The following TMPRSS7 variants were observed in gnomAD, a reference collection of about 807,000 sequenced individuals.
TMPRSS7 encodes the protein transmembrane serine protease 7.
A neutral mutation model predicts 95.6 loss-of-function variants in TMPRSS7; 81 were observed. That is an observed-to-expected ratio of 0.85 (90% CI 0.71 to 1.02). The LOEUF (loss-of-function observed/expected upper bound fraction) is 1.02. TMPRSS7 is among the 50% of genes least tolerant of loss of function. The probability of loss-of-function intolerance (pLI) is 0.00; values close to 1 mark genes in which losing one functional copy is unlikely to be tolerated. For missense variants in TMPRSS7, 945 were observed against 955.2 expected (o/e 0.99, Z 0.14); for synonymous variants, 364 against 337.8 (o/e 1.08, Z -0.85).
At chr3:112,073,826 G>A (rs1270912758) in intron 13 of TMPRSS7, among the ~76,000 whole-genome samples, 2 of 152,152 alleles carry the variant, frequency 1.3e-5, no homozygotes, top group Admixed American at 6.5e-5. Context: ...AATGGAACAC[G>A]TTCCACTCTC....
In TMPRSS7 at chr3:112,049,981, C is replaced by A; in HGVS notation, c.1090+7C>A. ...GAGGTCATTCCAGAACAAAGTAAGTCTTCCCCAATTATGGAGAAGTCACTT... is the reference window on the plus strand; with the variant it reads ...GAGGTCATTCCAGAACAAAGTAAGTATTCCCCAATTATGGAGAAGTCACTT... On this transcript the variant is annotated splice_region_variant and intron_variant, in intron 8 of 17. Transcript: ENST00000452346. The A allele has an allele frequency of 1.3e-6, 2 of 1,534,984 alleles. No individual in the cohort carries two copies. The highest frequency in any genetic ancestry group is 1.8e-6 in the Non-Finnish European group (2 of 1,132,636).
Position 112,049,824 on chromosome 3 carries a change from G to A in TMPRSS7, c.960-20G>A. 2 of 1,503,996 alleles carry A rather than the reference G, an allele frequency of 1.3e-6. No individual in the cohort carries two copies. Among genetic ancestry groups the A allele is most frequent in the Non-Finnish European group, 1.8e-6 (2 of 1,115,448 alleles). 93.2% of individuals were successfully genotyped at this position (1,503,996 alleles called of 1,614,324 possible). A position where few individuals can be genotyped will look rare whatever the true frequency, so the allele number is the denominator to read the frequency against. ...AATAACGTATTATTCATGTACTTTT[G>A]TTTTATTATCTGCTTTCAGAATTTG... On this transcript the variant is annotated intron_variant, in intron 7 of 17. Transcript: ENST00000452346.
intron 1 of TMPRSS7, among the ~76,000 whole-genome samples, chr3:112,037,030 T>C (rs1055488283): frequency 6.6e-6 from 1 of 152,178 alleles, no homozygotes; most frequent in Non-Finnish European, 1.5e-5. Context: ...CTCAGGACCC[T>C]GTGATGATTG....
At chr3:112,069,350 AG>A (rs1316534853) in intron 13 of TMPRSS7, among the ~76,000 whole-genome samples, 1 of 152,218 alleles carries the variant, frequency 6.6e-6, no homozygotes. Context: ...AAAATAAGTT[AG>A]GGAGGATTCC....
chr3:112,061,027 C>T (rs2107751760), intron 10 of TMPRSS7, among the ~76,000 whole-genome samples: 1 of 152,234 alleles, frequency 6.6e-6, no homozygotes, highest in African/African-American at 2.4e-5. Context: ...CAACAATTAC[C>T]CCCAAGCCTT....
intron 5 of TMPRSS7, among the ~76,000 whole-genome samples, chr3:112,046,382 G>A (rs766641346): frequency 6.6e-6 from 1 of 152,112 alleles, no homozygotes; most frequent in Non-Finnish European, 1.5e-5. Flanking sequence ...TTCATTGTTT[G>A]CCTTGATAGT....
intron 8 of TMPRSS7, among the ~76,000 whole-genome samples, 187 bp downstream of exon 8, chr3:112,050,161 C>T (rs1413342282): frequency 6.6e-6 from 1 of 152,110 alleles, no homozygotes; most frequent in Non-Finnish European, 1.5e-5. Context: ...GAACTATTAA[C>T]TTCATATAAA....
intron 13 of TMPRSS7, among the ~76,000 whole-genome samples, chr3:112,067,908 G>A (rs2073596179): frequency 6.6e-6 from 1 of 152,154 alleles, no homozygotes; most frequent in African/African-American, 2.4e-5. Flanking sequence ...CCTTGCCCAT[G>A]CCTATGTCCT....
chr3:112,058,668 A>G (rs780281857), intron 10 of TMPRSS7, among the ~76,000 whole-genome samples: 3 of 152,220 alleles, frequency 2.0e-5, no homozygotes, highest in African/African-American at 4.8e-5. Flanking sequence ...AAAGAAAACA[A>G]ATCTTTACAA....
At chr3:112,074,056 G>A (rs2073684237) in intron 13 of TMPRSS7, among the ~76,000 whole-genome samples, 1 of 152,232 alleles carries the variant, frequency 6.6e-6, no homozygotes, top group African/African-American at 2.4e-5. Flanking sequence ...GGAGAAAGAA[G>A]AGGTGGTTGG....
chr3:112,042,048 G>C (rs761317148), exon 3 of TMPRSS7: 1 of 1,551,448 alleles, frequency 6.4e-7, no homozygotes, highest in African/African-American at 1.4e-5. Flanking sequence ...TGTGCAGCAA[G>C]TGGTGAGGCG....
At chr3:112,047,077 T>A (rs961139502) in intron 6 of TMPRSS7, 65 bp downstream of exon 6, 2 of 695,408 alleles carry the variant, frequency 2.9e-6, no homozygotes, top group Non-Finnish European at 5.2e-6. Flanking sequence ...TAATTTTCAT[T>A]TTCTAATTGA....
exon 15 of TMPRSS7, chr3:112,075,484 T>A (rs2073700813): frequency 6.7e-7 from 1 of 1,486,418 alleles, no homozygotes; most frequent in African/African-American, 1.4e-5. Context: ...ACTGTTTTCA[T>A]GGAAACAGGT....
At chr3:112,061,849 T>A (rs750622452) in exon 11 of TMPRSS7, 1 of 1,613,156 alleles carries the variant, frequency 6.2e-7, no homozygotes, top group Non-Finnish European at 8.5e-7. Context: ...CTGGTTCACA[T>A]TCAGCTCCAG....
intron 17 of TMPRSS7, 141 bp downstream of exon 17, chr3:112,079,019 C>T: frequency 1.0e-6 from 1 of 964,864 alleles, no homozygotes; most frequent in Non-Finnish European, 1.5e-6. Context: ...TATTTATCAT[C>T]CAATTGCCTA....
intron 13 of TMPRSS7, among the ~76,000 whole-genome samples, chr3:112,070,214 T>C (rs1254868478): frequency 6.6e-6 from 1 of 152,222 alleles, no homozygotes; most frequent in Non-Finnish European, 1.5e-5. Flanking sequence ...GTGATTTCTG[T>C]TCTTTTACAT....
At chr3:112,046,439 T>C (rs2073278942) in intron 5 of TMPRSS7, among the ~76,000 whole-genome samples, 1 of 152,182 alleles carries the variant, frequency 6.6e-6, no homozygotes. Flanking sequence ...CAGTTTTCTG[T>C]TTTGATTTAA....
intron 12 of TMPRSS7, 21 bp from the exon 13 acceptor site, chr3:112,066,371 T>C (rs772493133): frequency 1.2e-6 from 2 of 1,611,138 alleles, no homozygotes; most frequent in South Asian, 2.2e-5. Context: ...GTGAACTTTC[T>C]GTTTTTATTT....
intron 13 of TMPRSS7, among the ~76,000 whole-genome samples, chr3:112,068,615 GCTCT>G (rs1440664813): frequency 6.6e-6 from 1 of 152,066 alleles, no homozygotes; most frequent in Non-Finnish European, 1.5e-5. Context: ...CCATGATTTG[GCTCT>G]CTGTTTGCCT....
Sources: allele counts gnomAD v4.1 joint callset (sites outside exome capture counted in the v4.1 genomes callset), GRCh38; gene constraint gnomAD v4.1.1; transcripts MANE v1.5; gene names NCBI Gene and HGNC (gene_info 2026-07-23, HGNC 2026-07-21).